Variants in EWSR1 observed in about 807,000 individuals in gnomAD.
The protein encoded by EWSR1 is RNA-binding protein EWS.
A neutral mutation model predicts 92.1 loss-of-function variants in EWSR1; 14 were observed. The ratio of observed to expected loss-of-function variants is 0.15; its 90% CI spans 0.10 to 0.24. The LOEUF is 0.24. Ranked by LOEUF, EWSR1 falls within the 10% of genes least tolerant of loss-of-function variation. EWSR1 has a pLI of 1.00. For synonymous variants in EWSR1, 303 were observed against 292.9 expected, an observed-to-expected ratio of 1.03 and a Z score of -0.35; for missense variants, 637 against 870.9, an observed-to-expected ratio of 0.73 and a Z score of 3.38.
intron 11 of EWSR1, among the ~76,000 whole-genome samples, chr22:29,294,119 C>T (rs1039765124): frequency 2.6e-5 from 4 of 152,074 alleles, no homozygotes; most frequent in East Asian, 3.9e-4. Flanking sequence ...CCACCTAGGC[C>T]TCCCAAAGTG....
At chr22:29,297,550 C>T (rs532771146) in intron 12 of EWSR1, among the ~76,000 whole-genome samples, 50 of 152,210 alleles carry the variant, frequency 3.3e-4, no homozygotes, top group African/African-American at 1.1e-3. Context: ...TAAAATTAGT[C>T]GGGCATGGTG....
At chr22:29,289,029 C>G (rs1392073920) in intron 8 of EWSR1, 2 of 442,660 alleles carry the variant, frequency 4.5e-6, no homozygotes, top group Non-Finnish European at 8.0e-6. Flanking sequence ...GGTTTTGAAA[C>G]CAGAGCTTTC....
chr22:29,276,817 AGTTT>A (rs1170316081), intron 4 of EWSR1: 1 of 231,328 alleles, frequency 4.3e-6, no homozygotes, highest in Non-Finnish European at 8.5e-6. Flanking sequence ...TGCCCAGCTA[AGTTT>A]GTTTATTTTT....
chr22:29,280,859 G>GTTTT (rs1316884921), intron 5 of EWSR1, among the ~76,000 whole-genome samples: 5 of 90,978 alleles, frequency 5.5e-5, no homozygotes, highest in African/African-American at 1.2e-4. Context: ...GTGTGTGTGT[G>GTTTT]TTGTTTTTTT....
At chr22:29,273,954 G>T (rs2058897543) in intron 4 of EWSR1, 90 bp downstream of exon 4, 15 of 1,515,912 alleles carry the variant, frequency 9.9e-6, no homozygotes, top group Non-Finnish European at 1.2e-5. Context: ...TGTATATTCT[G>T]GTCCATACCT....
At chr22:29,298,062 T>A in intron 13 of EWSR1, 113 bp downstream of exon 13, 1 of 1,190,594 alleles carries the variant, frequency 8.4e-7, no homozygotes, top group Non-Finnish European at 1.2e-6. Context: ...GAGTCAATAC[T>A]AGACTATCGA....
Position 29,282,436 on chromosome 22 carries a change from A to G in EWSR1, c.460A>G (p.Ser154Gly). 1 of 1,597,334 alleles carries G rather than the reference A, an allele frequency of 6.3e-7. No individual in the cohort carries two copies. The highest frequency in any genetic ancestry group is 8.5e-7 in the Non-Finnish European group (1 of 1,174,016). Reference sequence around the variant, plus strand: ...CACTGAGACTAGTCAACCTCAATCTAGCACAGGGGGTTACAACCAGCCCAG... The same window carrying G: ...CACTGAGACTAGTCAACCTCAATCTGGCACAGGGGGTTACAACCAGCCCAG... ...KPTETSQPQSSTGGYNQPSLG... is the reference protein window; with the variant it reads ...KPTETSQPQSGTGGYNQPSLG... Residue 154 changes from serine (S) to glycine (G), a missense_variant, in exon 6 of 17, where the codon AGC becomes GGC. By Grantham distance (56) the Ser-to-Gly change is moderately conservative. Around this residue, in one of 5 missense-constraint regions of EWSR1, gnomAD observed 144 missense variants for 189.0 expected, o/e 0.76. Transcript: ENST00000397938.
chr22:29,280,966 G>A (rs2059552504), intron 5 of EWSR1, among the ~76,000 whole-genome samples: 2 of 133,080 alleles, frequency 1.5e-5, no homozygotes, highest in Admixed American at 8.8e-5. Flanking sequence ...TGCAAGCTCC[G>A]CCTCCCAGGT....
At chr22:29,268,512 T>A (rs1414987954) in intron 1 of EWSR1, among the ~76,000 whole-genome samples, 163 bp downstream of exon 1, 1 of 152,008 alleles carries the variant, frequency 6.6e-6, no homozygotes, top group Non-Finnish European at 1.5e-5. Flanking sequence ...TCCTCTCCCC[T>A]CCCCCAACCG....
intron 11 of EWSR1, 29 bp from the exon 12 acceptor site, chr22:29,296,210 C>G (rs1405203779): frequency 1.9e-6 from 3 of 1,606,988 alleles, no homozygotes; most frequent in Non-Finnish European, 2.5e-6. Context: ...ATATTCTAGT[C>G]ATGCCTAACT....
At chr22:29,289,685 C>G (rs1359779588) in intron 8 of EWSR1, 3 of 232,234 alleles carry the variant, frequency 1.3e-5, no homozygotes, top group Non-Finnish European at 1.7e-5. Context: ...CGGTGTGCCA[C>G]TATTCAAGGA....
chr22:29,299,764 G>A lies in EWSR1; in HGVS notation c.1844G>A (p.Arg615Gln), dbSNP rs201365388. 5 of 1,607,610 alleles carry A rather than the reference G, an allele frequency of 3.1e-6. No homozygotes were observed. Among genetic ancestry groups the A allele is most frequent in the East Asian group, 2.2e-5 (1 of 44,744 alleles). Residue 615 changes from arginine to glutamine, a missense_variant, in exon 16 of 17, where the codon CGA (arginine) becomes CAA (glutamine). Transcript: ENST00000397938. ...CGAGGTGGCTTTGGTGGAGGAAGAC[G>A]AGGTGGCCCTGGGGGGCCCCCTGGA... ...MDRGGFGGGR[R>Q]GGPGGPPGPL...
rs1191201772 is a variant in EWSR1, at chr22:29,298,509, A to C, written c.1418-224A>C. On this transcript the variant is annotated intron_variant, in intron 13 of 16. Coordinates refer to ENST00000397938, the MANE Select transcript of EWSR1 (RefSeq NM_005243.4). ...GCAACAGTGTGAGACTCCGTCTCCA[A>C]AAAAAAAAAAAAAAAATTGTGGGAG... 5.1e-3 allele frequency among the ~76,000 whole-genome samples: 739 copies of C among 146,246 alleles called. 5 individuals are homozygous for C. The highest frequency in any genetic ancestry group is 0.018 in the African/African-American group (706 of 39,264).
chr22:29,292,306 T>C, intron 10 of EWSR1, 137 bp downstream of exon 10: 2 of 1,051,048 alleles, frequency 1.9e-6, no homozygotes, highest in South Asian at 1.3e-5. Flanking sequence ...GGAAATCCTA[T>C]GTGAGCATCT....
At chr22:29,274,868 G>A (rs1340773395) in intron 4 of EWSR1, among the ~76,000 whole-genome samples, 1 of 152,160 alleles carries the variant, frequency 6.6e-6, no homozygotes, top group African/African-American at 2.4e-5. Flanking sequence ...GCTGTGTAAT[G>A]TTTCAGGCTG....
chr22:29,281,836 C>T (rs111682837), intron 5 of EWSR1, among the ~76,000 whole-genome samples: 1,933 of 151,492 alleles, frequency 0.013, 55 homozygotes, highest in African/African-American at 0.045. Flanking sequence ...CCGCCCTCCT[C>T]GGCCTCCCAA....
chr22:29,279,165 A>G (rs997298430), intron 5 of EWSR1, among the ~76,000 whole-genome samples: 2 of 152,168 alleles, frequency 1.3e-5, no homozygotes, highest in African/African-American at 4.8e-5. Flanking sequence ...TCAAAACAGC[A>G]TAACTGATAG....
chr22:29,287,933 G>A (rs1036385975), intron 7 of EWSR1, among the ~76,000 whole-genome samples: 1 of 152,088 alleles, frequency 6.6e-6, no homozygotes, highest in Non-Finnish European at 1.5e-5. Context: ...CCAGCACTTT[G>A]GGGGAGGCCA....
At chr22:29,281,443 C>A (rs913051597) in intron 5 of EWSR1, among the ~76,000 whole-genome samples, 1 of 152,044 alleles carries the variant, frequency 6.6e-6, no homozygotes, top group Non-Finnish European at 1.5e-5. Flanking sequence ...TAGCTGAGAC[C>A]ACAGGCATGT....
Sources: gnomAD v4.1 joint callset for allele counts (sites outside exome capture counted in the v4.1 genomes callset) on GRCh38, gnomAD v4.1.1 for gene constraint, gnomAD v4.1.1 regional missense constraint, MANE v1.5 for transcripts, NCBI Gene and HGNC (gene_info 2026-07-23, HGNC 2026-07-21) for gene names.